The following AFAP1 variants were observed in gnomAD, a reference collection of about 807,000 sequenced individuals.
AFAP1 encodes the protein actin filament-associated protein 1.
In AFAP1, 75 loss-of-function variants were observed where a neutral mutation model predicts 93.9. That is an observed-to-expected ratio of 0.80 (90% CI 0.66 to 0.97). The LOEUF is 0.97. AFAP1 is among the 50% of genes least tolerant of loss of function. AFAP1 has a pLI of 0.00. For missense variants in AFAP1, 1,201 were observed against 1,050.8 expected (o/e 1.14, Z -1.98); for synonymous variants, 517 against 430.7 (o/e 1.20, Z -2.48).
intron 1 of AFAP1, among the ~76,000 whole-genome samples, chr4:7,928,590 A>G (rs943961720): frequency 2.0e-5 from 3 of 152,072 alleles, no homozygotes; most frequent in Non-Finnish European, 2.9e-5. Flanking sequence ...GTTTCACCAT[A>G]TTGGCCAGGC....
At chr4:7,881,362 A>C (rs1577330793) in intron 1 of AFAP1, among the ~76,000 whole-genome samples, 2 of 147,214 alleles carry the variant, frequency 1.4e-5, no homozygotes, top group African/African-American at 2.5e-5. Flanking sequence ...ACCTCTCCTC[A>C]CCCCTCTGAA....
intron 1 of AFAP1, among the ~76,000 whole-genome samples, chr4:7,890,976 A>T (rs973573858): frequency 6.6e-6 from 1 of 152,228 alleles, no homozygotes; most frequent in Non-Finnish European, 1.5e-5. Context: ...AGCTTTCTTC[A>T]TAACAGCCCA....
chr4:7,843,643 C>T (rs573254294), intron 4 of AFAP1: 174 of 335,240 alleles, frequency 5.2e-4, no homozygotes, highest in African/African-American at 3.5e-3. Flanking sequence ...ACTGACTCCT[C>T]ACCACATTCT....
intron 1 of AFAP1, among the ~76,000 whole-genome samples, chr4:7,919,095 T>A (rs57673956): frequency 1.3e-5 from 2 of 149,070 alleles, no homozygotes; most frequent in African/African-American, 5.0e-5. Flanking sequence ...GGCTGCCAGA[T>A]GAGACACTAG....
At chr4:7,875,585 CT>C (rs1717446028) in intron 1 of AFAP1, among the ~76,000 whole-genome samples, 1 of 150,404 alleles carries the variant, frequency 6.6e-6, no homozygotes, top group Non-Finnish European at 1.5e-5. Flanking sequence ...AGTCAATGCA[CT>C]CCAGCCTGGG....
chr4:7,812,507 G>A (rs913775120), intron 8 of AFAP1, among the ~76,000 whole-genome samples: 1 of 152,174 alleles, frequency 6.6e-6, no homozygotes, highest in African/African-American at 2.4e-5. Flanking sequence ...GGAACATGAG[G>A]AGAAAACCAT....
intron 1 of AFAP1, among the ~76,000 whole-genome samples, chr4:7,880,266 G>A (rs1432392044): frequency 2.7e-5 from 4 of 146,798 alleles, no homozygotes; most frequent in African/African-American, 1.0e-4. Flanking sequence ...AGGGACCCTG[G>A]AACCCAAATG....
chr4:7,875,220 C>A (rs114245081), intron 1 of AFAP1, among the ~76,000 whole-genome samples: 6,501 of 152,296 alleles, frequency 0.043, 211 homozygotes, highest in Non-Finnish European at 0.067. Flanking sequence ...AAGTCTACAA[C>A]ATCCTTCGGG....
At chr4:7,849,849 T>C (rs550527878) in intron 4 of AFAP1, among the ~76,000 whole-genome samples, 1 of 152,080 alleles carries the variant, frequency 6.6e-6, no homozygotes, top group Non-Finnish European at 1.5e-5. Context: ...AGCTACAAAA[T>C]ACAAAATGCA....
At chr4:7,938,200 A>G (rs1434714888) in intron 1 of AFAP1, among the ~76,000 whole-genome samples, 2 of 151,764 alleles carry the variant, frequency 1.3e-5, no homozygotes, top group Non-Finnish European at 2.9e-5. Context: ...AGGGCAGAGA[A>G]AGCAAAAGGG....
At chr4:7,773,047 G>A (rs777382002) in intron 15 of AFAP1, 37 bp from the exon 16 acceptor site, 3 of 1,588,084 alleles carry the variant, frequency 1.9e-6, no homozygotes, top group Non-Finnish European at 2.6e-6. Flanking sequence ...CCCGCGGCAG[G>A]CACAGGTTCT....
intron 17 of AFAP1, among the ~76,000 whole-genome samples, chr4:7,766,888 C>T (rs1056784072): frequency 4.0e-5 from 6 of 149,666 alleles, no homozygotes; most frequent in South Asian, 2.2e-4. Flanking sequence ...CCCTCTCTTG[C>T]GCTCAATGCT....
At position 7,914,611 on chromosome 4, in the gene AFAP1, A is replaced by G. The variant is rs1429941247; in HGVS notation, c.-3+25045T>C. ...ACAGCGCTGCAGGTAACACAGAGGT[A>G]CAGATGCCCCTCCGACACTGATTTC... On this transcript the variant is annotated intron_variant, in intron 1 of 17. Coordinates refer to ENST00000420658, the MANE Select transcript of AFAP1 (RefSeq NM_001134647.2). Among the ~76,000 whole-genome samples, 3 of 152,300 alleles carry G rather than the reference A, an allele frequency of 2.0e-5. No homozygotes were observed. In the East Asian group the frequency reaches 5.8e-4, roughly 29 times the overall value.
At chr4:7,892,414 G>C (rs999595644) in intron 1 of AFAP1, among the ~76,000 whole-genome samples, 3 of 152,156 alleles carry the variant, frequency 2.0e-5, no homozygotes, top group Non-Finnish European at 2.9e-5. Context: ...CAGACTGAGA[G>C]AGCAGTTCAC....
chr4:7,834,981 T>C (rs997452660), intron 6 of AFAP1, among the ~76,000 whole-genome samples: 4 of 140,486 alleles, frequency 2.8e-5, no homozygotes, highest in African/African-American at 5.3e-5. Flanking sequence ...TGGGTGGCTC[T>C]TGAATGGACT....
chr4:7,781,728 C>T, intron 12 of AFAP1, 101 bp from the exon 13 acceptor site: 1 of 1,441,002 alleles, frequency 6.9e-7, no homozygotes, highest in South Asian at 1.4e-5. Flanking sequence ...ATTTAGCATA[C>T]ATTGGCACCC....
In AFAP1 at chr4:7,843,353, G is replaced by A. The variant is rs529541923; in HGVS notation, c.335-3C>T. The A allele has an allele frequency of 6.0e-5, 97 of 1,609,050 alleles. 1 individual carries two copies. The South Asian group carries it at 1.0e-3, about 17-fold the overall frequency. The stretch of plus-strand genomic sequence containing the variant: ...GCTCATCGCATCGGAATCATAATCT[G>A]TAAAAAATAAACATACACTGGTAAA... On this transcript the variant is annotated splice_polypyrimidine_tract_variant and splice_region_variant and intron_variant, in intron 4 of 17. Transcript: ENST00000420658.
intron 4 of AFAP1, among the ~76,000 whole-genome samples, chr4:7,846,742 G>C (rs1346080899): frequency 1.3e-5 from 2 of 152,170 alleles, no homozygotes; most frequent in Non-Finnish European, 2.9e-5. Context: ...AGCCGGGCCT[G>C]CTCCAAATTT....
chr4:7,871,047 C>T (rs1716985912), intron 2 of AFAP1, among the ~76,000 whole-genome samples: 1 of 152,182 alleles, frequency 6.6e-6, no homozygotes, highest in African/African-American at 2.4e-5. Context: ...CCCCTCGGAC[C>T]TTCCACCACC....
Sources: allele counts gnomAD v4.1 joint callset (sites outside exome capture counted in the v4.1 genomes callset), GRCh38; gene constraint gnomAD v4.1.1; transcripts MANE v1.5; gene names NCBI Gene and HGNC (gene_info 2026-07-23, HGNC 2026-07-21).